The following GNG2 variants were observed in gnomAD, a reference collection of about 807,000 sequenced individuals.
The protein encoded by GNG2 is G protein subunit gamma 2.
GNG2 carries 5 observed loss-of-function variants against 5.5 expected under a neutral mutation model. That is an observed-to-expected ratio of 0.91 (90% CI 0.48 to 1.92). The LOEUF (loss-of-function observed/expected upper bound fraction) is 1.92. Ranked by LOEUF, GNG2 falls within the 30% of genes most tolerant of loss-of-function variation. The pLI is 0.01. For synonymous variants in GNG2, 28 were observed against 32.0 expected (o/e 0.88, Z 0.42); for missense variants, 55 against 88.4 (o/e 0.62, Z 1.52).
At chr14:51,865,042 C>A (rs1882781539) in intron 1 of GNG2, among the ~76,000 whole-genome samples, 1 of 152,242 alleles carries the variant, frequency 6.6e-6, no homozygotes, top group South Asian at 2.1e-4. Context: ...AGCAGGGACC[C>A]TATTGAATAG....
At chr14:51,832,663 G>A in intron 2 of GNG2, among the ~76,000 whole-genome samples, 1 of 152,190 alleles carries the variant, frequency 6.6e-6, no homozygotes, top group East Asian at 1.9e-4. Flanking sequence ...GATTTTGGAT[G>A]GCTGCCTTCT....
intron 2 of GNG2, among the ~76,000 whole-genome samples, chr14:51,901,652 G>A (rs565254280): frequency 2.6e-5 from 4 of 151,334 alleles, no homozygotes; most frequent in South Asian, 4.2e-4. Flanking sequence ...TGTGCATAGT[G>A]CCCTCCCTCT....
At chr14:51,959,182 C>G (rs1008366714) in intron 3 of GNG2, among the ~76,000 whole-genome samples, 43 of 152,088 alleles carry the variant, frequency 2.8e-4, no homozygotes, top group Non-Finnish European at 5.6e-4. Flanking sequence ...TCTTGGTGAT[C>G]TTGTTAGTTC....
Position 51,877,613 on chromosome 14 carries a change from A to G in GNG2, c.-70-4A>G. On this transcript the variant is annotated splice_region_variant and splice_polypyrimidine_tract_variant and intron_variant, in intron 1 of 3. Coordinates refer to ENST00000556766, the MANE Select transcript of GNG2 (RefSeq NM_053064.5). ...ATTCGTTTTTCTCTCTGCTTTCTCA[A>G]CAGCCAGATCTGCCAGTGAGCCTCA... 1 of 456,062 alleles carries G rather than the reference A, an allele frequency of 2.2e-6. No homozygotes were observed. The highest frequency in any genetic ancestry group is 4.4e-6 in the Non-Finnish European group (1 of 226,610). The allele number at this position is 456,062 out of a possible 1,614,324, so 28.3% of individuals were successfully genotyped here. A position where few individuals can be genotyped will look rare whatever the true frequency, so the allele number is the denominator to read the frequency against.
chr14:51,895,527 G>A (rs1885135222), intron 2 of GNG2, among the ~76,000 whole-genome samples: 1 of 152,072 alleles, frequency 6.6e-6, no homozygotes, highest in Non-Finnish European at 1.5e-5. Context: ...CTAAACATCT[G>A]GAAAAAAGGC....
chr14:51,838,435 C>G (rs1881398400), intron 2 of GNG2, among the ~76,000 whole-genome samples: 1 of 144,970 alleles, frequency 6.9e-6, no homozygotes, highest in East Asian at 1.9e-4. Flanking sequence ...CAGAGCGAGA[C>G]TCTGTCTCAA....
At chr14:51,835,677 T>G (rs1300912260) in intron 2 of GNG2, among the ~76,000 whole-genome samples, 4 of 152,116 alleles carry the variant, frequency 2.6e-5, no homozygotes, top group Non-Finnish European at 5.9e-5. Context: ...ACCTACAACT[T>G]CTCAATAAAG....
chr14:51,893,871 AG>A (rs1885017401), intron 2 of GNG2, among the ~76,000 whole-genome samples: 1 of 152,128 alleles, frequency 6.6e-6, no homozygotes, highest in Non-Finnish European at 1.5e-5. Flanking sequence ...ACACTACTTT[AG>A]TCATATATTG....
intron 2 of GNG2, among the ~76,000 whole-genome samples, chr14:51,925,933 A>G (rs920127398): frequency 1.8e-4 from 28 of 152,038 alleles, no homozygotes; most frequent in Middle Eastern, 3.2e-3. Context: ...GAAGTCTTAA[A>G]TATACTTGGA....
At chr14:51,856,448 G>C (rs1291901786), upstream of GNG2, among the ~76,000 whole-genome samples, 1 of 152,052 alleles carries the variant, frequency 6.6e-6, no homozygotes, top group Non-Finnish European at 1.5e-5. Flanking sequence ...TGTTGTTGTT[G>C]TTCGAGACGG....
rs906452473 is a variant in GNG2, at chr14:51,880,940, A to G, written c.-30+3283A>G. ...TGTAGCCATATATGCATGTTTGTTC[A>G]GACCAGCTTAAAAAGACAAAAAAAA... On this transcript the variant is annotated intron_variant, in intron 2 of 3. Transcript: ENST00000556766. Among the ~76,000 whole-genome samples the G allele has an allele frequency of 7.8e-4, 116 of 147,920 alleles. 1 individual carries two copies. The highest frequency in any genetic ancestry group is 9.4e-4 in the Non-Finnish European group (63 of 67,186).
intron 2 of GNG2, among the ~76,000 whole-genome samples, chr14:51,833,765 C>G (rs1359828766): frequency 6.6e-6 from 1 of 152,236 alleles, no homozygotes; most frequent in Admixed American, 6.5e-5. Flanking sequence ...CTATCACTCA[C>G]CTGTCACTAT....
At chr14:51,834,558 T>C (rs1480566427) in intron 2 of GNG2, among the ~76,000 whole-genome samples, 1 of 152,222 alleles carries the variant, frequency 6.6e-6, no homozygotes, top group East Asian at 1.9e-4. Flanking sequence ...GACAGCTGCC[T>C]CTGTCTTACG....
intron 2 of GNG2, among the ~76,000 whole-genome samples, chr14:51,896,131 G>A (rs1204943632): frequency 3.9e-5 from 6 of 152,176 alleles, no homozygotes; most frequent in Non-Finnish European, 7.3e-5. Context: ...TCACACTGTG[G>A]CCACCTTATG....
chr14:51,898,543 A>C (rs1885349603), intron 2 of GNG2, among the ~76,000 whole-genome samples: 1 of 152,254 alleles, frequency 6.6e-6, no homozygotes, highest in South Asian at 2.1e-4. Context: ...AAGAAAGAGG[A>C]AACTGTTAAA....
At chr14:51,951,824 G>T in intron 3 of GNG2, 1 of 696,840 alleles carries the variant, frequency 1.4e-6, no homozygotes. Flanking sequence ...GCAGAGTAGG[G>T]TGGTTGTAAC....
At chr14:51,894,346 G>A (rs1885052410) in intron 2 of GNG2, among the ~76,000 whole-genome samples, 1 of 151,756 alleles carries the variant, frequency 6.6e-6, no homozygotes. Flanking sequence ...AAAATAAATA[G>A]CTTCTCTTTT....
At chr14:51,914,312 T>G (rs1886477207) in intron 2 of GNG2, 3 of 701,646 alleles carry the variant, frequency 4.3e-6, no homozygotes, top group Non-Finnish European at 7.8e-6. Flanking sequence ...GGCCATTTCA[T>G]TATGTCTGAA....
intron 3 of GNG2, among the ~76,000 whole-genome samples, chr14:51,955,753 A>G (rs565808089): frequency 1.3e-5 from 2 of 152,366 alleles, no homozygotes; most frequent in East Asian, 3.9e-4. Context: ...GTTTCATATC[A>G]TTGTATGATC....
Sources: gnomAD v4.1 joint callset for allele counts (sites outside exome capture counted in the v4.1 genomes callset) on GRCh38, gnomAD v4.1.1 for gene constraint, MANE v1.5 for transcripts, NCBI Gene and HGNC (gene_info 2026-07-23, HGNC 2026-07-21) for gene names.